RSF1: variants seen among roughly 807,000 people sequenced by gnomAD.
RSF1 encodes remodeling and spacing factor 1, also known as HBV pX-associated protein 8.
In RSF1, 13 loss-of-function variants were observed where a neutral mutation model predicts 145.2. That is an observed-to-expected ratio of 0.09 (90% confidence interval 0.06 to 0.14). The LOEUF is 0.14. Ranked by LOEUF, RSF1 falls within the 10% of genes least tolerant of loss-of-function variation. The pLI is 1.00. For missense variants in RSF1, 1,517 were observed against 1,718.2 expected (o/e 0.88, Z 2.07); for synonymous variants, 577 against 592.6 (o/e 0.97, Z 0.38).
chr11:77,839,889 G>A, the RSF1 span, among the ~76,000 whole-genome samples: 1 of 152,124 alleles, frequency 6.6e-6, no homozygotes, highest in Non-Finnish European at 1.5e-5. Context: ...CCTAGGTGAT[G>A]GGTTGATAGG....
intron 5 of RSF1, among the ~76,000 whole-genome samples, chr11:77,718,573 G>A (rs903573115): frequency 2.0e-5 from 3 of 152,182 alleles, no homozygotes; most frequent in African/African-American, 7.2e-5. Context: ...TTTAGAGACA[G>A]AGCCTTTGGT....
At chr11:77,733,557 A>ATTTT (rs11353278) in intron 4 of RSF1, among the ~76,000 whole-genome samples, 1 of 124,294 alleles carries the variant, frequency 8.0e-6, no homozygotes, top group African/African-American at 3.1e-5. Flanking sequence ...TACATCTTTG[A>ATTTT]TTTTTTTTTT....
At chr11:77,689,840 T>A (rs1960103564) in intron 9 of RSF1, among the ~76,000 whole-genome samples, 1 of 152,322 alleles carries the variant, frequency 6.6e-6, no homozygotes, top group African/African-American at 2.4e-5. Context: ...AAGAGGAGGC[T>A]CAAGTTCAGT....
the RSF1 span, among the ~76,000 whole-genome samples, chr11:77,844,527 A>AT: frequency 2.6e-5 from 4 of 151,442 alleles, no homozygotes; most frequent in Non-Finnish European, 5.9e-5. Context: ...CACCTGGCTT[A>AT]TTTTTTTTAG....
intron 4 of RSF1, among the ~76,000 whole-genome samples, chr11:77,739,814 G>A (rs1254499481): frequency 6.6e-6 from 1 of 152,124 alleles, no homozygotes; most frequent in African/African-American, 2.4e-5. Context: ...AAGACACAAA[G>A]ATTCTGTAAT....
chr11:77,690,620 C>G (rs1179495504), intron 9 of RSF1, among the ~76,000 whole-genome samples: 1 of 151,980 alleles, frequency 6.6e-6, no homozygotes, highest in African/African-American at 2.4e-5. Flanking sequence ...TTAGTAGGGA[C>G]AGGGTTTCAC....
rs1185494711 is a variant in RSF1, at chr11:77,692,530, C to A, written c.2820+977G>T. On this transcript the variant is annotated intron_variant, in intron 8 of 15. Transcript: ENST00000308488. The stretch of plus-strand genomic sequence containing the variant: ...AAGTGCTGGGATTACAGGCGTGAGC[C>A]ACCGCGCCCGGCCACTACTTTTAAA... Among the ~76,000 whole-genome samples the A allele has an allele frequency of 1.9e-5, 2 of 102,862 alleles. 1 individual carries two copies. Among genetic ancestry groups the A allele is most frequent in the Non-Finnish European group, 3.6e-5 (2 of 54,880 alleles). 67.5% of individuals were successfully genotyped at this position (102,862 alleles called of 152,430 possible).
chr11:77,740,766 A>G lies in RSF1; in HGVS notation c.543T>C (p.Asp181=). ...HNVRMYIEEQ[D]DQDGSSWKCI... is the part of the protein sequence containing the mutation. Reference sequence around the variant, plus strand: ...ATTTCCATGAAGAGCCATCTTGATCATCTTGTTCTTCTATGTACATTCTGA... The same window carrying G: ...ATTTCCATGAAGAGCCATCTTGATCGTCTTGTTCTTCTATGTACATTCTGA... The change falls in exon 4 of 16, where the codon GAT becomes GAC. Residue 181 remains aspartate (D), a synonymous_variant. Coordinates refer to ENST00000308488, the MANE Select transcript of RSF1 (RefSeq NM_016578.4). 1 of 1,614,186 alleles carries G rather than the reference A, an allele frequency of 6.2e-7. No individual in the cohort carries two copies. Among genetic ancestry groups the G allele is most frequent in the Non-Finnish European group, 8.5e-7 (1 of 1,180,010 alleles).
At chr11:77,842,901 C>A in the RSF1 span, among the ~76,000 whole-genome samples, 1 of 152,272 alleles carries the variant, frequency 6.6e-6, no homozygotes, top group East Asian at 1.9e-4. Flanking sequence ...AGAAAGGAAC[C>A]ACATAACCAC....
rs1332239666 is a variant in RSF1 at position 77,785,776 on chromosome 11, A to G, written c.188-21087T>C. On this transcript the variant is annotated intron_variant, in intron 1 of 15. Coordinates refer to ENST00000308488, the MANE Select transcript of RSF1 (RefSeq NM_016578.4). ...ACTGAAAAAAAAAAAATACAAAAAAATTAGCCTGGCATGGCGGCGGGCACC... is the reference window on the plus strand; with the variant it reads ...ACTGAAAAAAAAAAAATACAAAAAAGTTAGCCTGGCATGGCGGCGGGCACC... 3.3e-5 allele frequency among the ~76,000 whole-genome samples: 5 copies of G among 149,524 alleles called. No individual in the cohort carries two copies. In the East Asian group the frequency reaches 7.9e-4, roughly 24 times the overall value.
chr11:77,819,526 G>A (rs574371176), intron 1 of RSF1, among the ~76,000 whole-genome samples: 3 of 152,352 alleles, frequency 2.0e-5, no homozygotes, highest in Non-Finnish European at 1.5e-5. Context: ...GTGGCCTTAT[G>A]TGGAAGGAGC....
chr11:77,672,819 A>G (rs931278320), intron 14 of RSF1, among the ~76,000 whole-genome samples: 9 of 152,092 alleles, frequency 5.9e-5, no homozygotes, highest in Non-Finnish European at 1.2e-4. Flanking sequence ...AGTAGCTGGG[A>G]CTACAGGTAC....
chr11:77,800,808 G>A (rs1200261865), intron 1 of RSF1, among the ~76,000 whole-genome samples: 2 of 152,304 alleles, frequency 1.3e-5, no homozygotes, highest in South Asian at 2.1e-4. Context: ...GCTGAAGGGA[G>A]GTATGATTGC....
At chr11:77,813,709 C>A in intron 1 of RSF1, 1 of 433,870 alleles carries the variant, frequency 2.3e-6, no homozygotes, top group Non-Finnish European at 4.5e-6. Flanking sequence ...CGACTTGTTC[C>A]TCGGCGAGAG....
chr11:77,840,842 A>C, the RSF1 span, among the ~76,000 whole-genome samples: 1 of 152,162 alleles, frequency 6.6e-6, no homozygotes, highest in African/African-American at 2.4e-5. Context: ...AGCCTGGCGA[A>C]ACAACTTTTC....
At chr11:77,803,170 G>T (rs7941418) in intron 1 of RSF1, among the ~76,000 whole-genome samples, 27,070 of 151,840 alleles carry the variant, frequency 0.18, 3,036 homozygotes, top group African/African-American at 0.3. Flanking sequence ...TGTTTTGAAA[G>T]AGGGTCTCAC....
At chr11:77,731,299 G>T (rs1961202145) in intron 4 of RSF1, among the ~76,000 whole-genome samples, 1 of 152,190 alleles carries the variant, frequency 6.6e-6, no homozygotes, top group Non-Finnish European at 1.5e-5. Context: ...ATGATTTAGG[G>T]TATGTGGAGG....
chr11:77,854,400 A>G, the RSF1 span, among the ~76,000 whole-genome samples: 3 of 152,160 alleles, frequency 2.0e-5, no homozygotes, highest in Admixed American at 6.5e-5. Context: ...AAGATCAAAA[A>G]CAGTTAGTTA....
intron 9 of RSF1, 194 bp downstream of exon 9, chr11:77,690,965 T>G (rs1357765214): frequency 1.9e-6 from 1 of 535,168 alleles, no homozygotes; most frequent in African/African-American, 1.9e-5. Context: ...TGATTCTAGT[T>G]TTTCCCCCCA....
Sources: allele counts gnomAD v4.1 joint callset (sites outside exome capture counted in the v4.1 genomes callset), GRCh38; gene constraint gnomAD v4.1.1; transcripts MANE v1.5; gene names NCBI Gene and HGNC (gene_info 2026-07-23, HGNC 2026-07-21).